Variants in ZNF479 observed in about 807,000 individuals in gnomAD.
ZNF479 encodes the protein zinc finger protein 479.
A neutral mutation model predicts 14.7 loss-of-function variants in ZNF479; 15 were observed. The observed-to-expected ratio is 1.02, with a 90% confidence interval of 0.68 to 1.57. The LOEUF (loss-of-function observed/expected upper bound fraction) is 1.57, where lower values mean the gene tolerates loss of function less well. Among genes scored for constraint, ZNF479 ranks in the 40% most tolerant of loss-of-function variants. The pLI, the probability that ZNF479 is intolerant of heterozygous loss-of-function variation, is 0.00. For synonymous variants in ZNF479, 145 were observed against 211.5 expected, an observed-to-expected ratio of 0.69 and a Z score of 2.73; for missense variants, 506 against 615.1, an observed-to-expected ratio of 0.82 and a Z score of 1.88.
Position 57,120,477 on chromosome 7 carries a change from G to C in ZNF479, c.938C>G (p.Thr313Ser). ...GKAFSVSSTLTDHKRIHTGEK... is the reference protein window; with the variant it reads ...GKAFSVSSTLSDHKRIHTGEK... ...TCCAGTATGAATTCTCTTGTGGTCA[G>C]TGAGGGTTGAGGATACGCTAAAGGC... is the stretch of plus-strand genomic sequence containing the variant. Residue 313 changes from threonine to serine, a missense_variant, in exon 4 of 4, where the codon ACT becomes AGT. Physicochemically the swap from Thr to Ser is moderately conservative, Grantham distance 58. Coordinates refer to ENST00000319636, the MANE Select transcript of ZNF479 (RefSeq NM_001370129.2). 1 of 1,611,008 alleles carries C rather than the reference G, an allele frequency of 6.2e-7. No individual in the cohort carries two copies. The highest frequency in any genetic ancestry group is 8.5e-7 in the Non-Finnish European group (1 of 1,179,202).
upstream of ZNF479, among the ~76,000 whole-genome samples, chr7:57,137,214 A>G (rs750636641): frequency 6.6e-6 from 1 of 152,168 alleles, no homozygotes; most frequent in Non-Finnish European, 1.5e-5. Context: ...TTTGCTCACT[A>G]CAACTCTGCC....
At position 57,119,480 on chromosome 7, in the gene ZNF479, G is replaced by A. The variant is rs35107195; in HGVS notation, c.*360C>T. 503 of 214,168 alleles carry A rather than the reference G, an allele frequency of 2.3e-3. 3 individuals are homozygous for A. Among genetic ancestry groups the A allele is most frequent in the Non-Finnish European group, 4.0e-3 (430 of 106,310 alleles). The allele number at this position is 214,168 out of a possible 1,614,324, so 13.3% of individuals were successfully genotyped here. On this transcript the variant is annotated 3_prime_UTR_variant, in exon 4 of 4. Coordinates refer to ENST00000319636, the MANE Select transcript of ZNF479 (RefSeq NM_001370129.2). ...CAAATCAGCCAGTGTGGTGGCACAC[G>A]CCTGTAATCCCAGCTACTCAGGAGG... is the stretch of plus-strand genomic sequence containing the variant.
At chr7:57,132,574 A>G (rs1786484575), upstream of ZNF479, among the ~76,000 whole-genome samples, 2 of 152,150 alleles carry the variant, frequency 1.3e-5, no homozygotes, top group East Asian at 1.9e-4. Context: ...TTGATCAGAC[A>G]CTGGGCTGAG....
chr7:57,125,733 G>C (rs1206733398), intron 3 of ZNF479, among the ~76,000 whole-genome samples: 1 of 152,110 alleles, frequency 6.6e-6, no homozygotes, highest in Non-Finnish European at 1.5e-5. Flanking sequence ...AAAAGCAATG[G>C]CAAAGCAGTC....
intron 1 of ZNF479, among the ~76,000 whole-genome samples, chr7:57,131,553 A>T: frequency 7.1e-6 from 1 of 140,154 alleles, no homozygotes; most frequent in East Asian, 2.5e-4. Flanking sequence ...ACAGAGCGAG[A>T]CTCCCTCTCA....
chr7:57,123,570 A>T (rs1156488208), intron 3 of ZNF479, among the ~76,000 whole-genome samples: 1 of 152,162 alleles, frequency 6.6e-6, no homozygotes, highest in Non-Finnish European at 1.5e-5. Context: ...GCAGTGGCTC[A>T]CAGGTGTAAT....
At chr7:57,137,308 G>T (rs1009387875), upstream of ZNF479, among the ~76,000 whole-genome samples, 1 of 151,934 alleles carries the variant, frequency 6.6e-6, no homozygotes, top group African/African-American at 2.4e-5. Flanking sequence ...GCTGCTATTT[G>T]TATTTTTTGT....
intron 3 of ZNF479, among the ~76,000 whole-genome samples, chr7:57,122,110 T>G (rs1192838034): frequency 6.6e-6 from 1 of 152,002 alleles, no homozygotes; most frequent in Non-Finnish European, 1.5e-5. Flanking sequence ...AAGCAAAGTT[T>G]CAAAAGTCAC....
upstream of ZNF479, among the ~76,000 whole-genome samples, chr7:57,136,601 A>G (rs1786664446): frequency 6.6e-6 from 1 of 152,212 alleles, no homozygotes; most frequent in South Asian, 2.1e-4. Flanking sequence ...TTGAGCAGTT[A>G]AAAACCTTTG....
upstream of ZNF479, among the ~76,000 whole-genome samples, chr7:57,135,197 G>A (rs535660799): frequency 3.5e-4 from 53 of 152,254 alleles, no homozygotes; most frequent in East Asian, 9.5e-3. Flanking sequence ...ATTTAGTGGC[G>A]TTAGAGTGTC....
At chr7:57,133,407 TAA>T (rs60551032), upstream of ZNF479, among the ~76,000 whole-genome samples, 20 of 150,404 alleles carry the variant, frequency 1.3e-4, no homozygotes, top group Admixed American at 2.6e-4. Flanking sequence ...TCAATTTACT[TAA>T]AAAAAAAAAT....
upstream of ZNF479, among the ~76,000 whole-genome samples, chr7:57,135,501 C>T (rs1434299460): frequency 2.0e-5 from 3 of 152,158 alleles, no homozygotes; most frequent in African/African-American, 4.8e-5. Flanking sequence ...CAACCTCCAC[C>T]TCCCAGGTTC....
rs1554400226 is a variant in ZNF479, at chr7:57,120,613, G to A, written c.802C>T (p.Pro268Ser). 1 of 1,613,980 alleles carries A rather than the reference G, an allele frequency of 6.2e-7. No homozygotes were observed. The highest frequency in any genetic ancestry group is 8.5e-7 in the Non-Finnish European group (1 of 1,179,928). ...TGGCCACATTCTTCACACGTGTAGG[G>A]TTTCTCTCCAGTATGAGTTCTCTTA... is the stretch of plus-strand genomic sequence containing the variant. ...RHKRTHTGEKPYTCEECGQAF... is the reference protein window; with the variant it reads ...RHKRTHTGEKSYTCEECGQAF... Residue 268 changes from proline to serine, a missense_variant, in exon 4 of 4, where the codon CCC becomes TCC. Pro to Ser is a moderately conservative substitution (Grantham distance 74). This residue lies in a region of ZNF479 where 420 missense variants were observed against 474.2 expected (regional missense o/e 0.89). Coordinates refer to ENST00000319636, the MANE Select transcript of ZNF479 (RefSeq NM_001370129.2).
intron 1 of ZNF479, among the ~76,000 whole-genome samples, chr7:57,127,946 T>G (rs1486457624): frequency 6.7e-6 from 1 of 148,930 alleles, no homozygotes; most frequent in Admixed American, 6.7e-5. Flanking sequence ...TATTTTTTTT[T>G]TTTTTTTGAG....
chr7:57,134,943 G>A (rs912207284), upstream of ZNF479, among the ~76,000 whole-genome samples: 9 of 152,054 alleles, frequency 5.9e-5, no homozygotes, highest in Non-Finnish European at 8.8e-5. Flanking sequence ...CCAAATTGCC[G>A]GGGTTACAGG....
rs149289301 is a variant in ZNF479, at chr7:57,130,427, C to CG, written c.39+1858dup. Among the ~76,000 whole-genome samples, 1,355 of 151,480 alleles carry CG rather than the reference C, an allele frequency of 8.9e-3. 29 individuals carry two copies. Among genetic ancestry groups the CG allele is most frequent in the African/African-American group, 0.031 (1,299 of 41,280 alleles). Reference sequence around the variant, plus strand: ...GGCAGAGGTTGCAGTGAGCTGAGACCGCACCACTGCACTCCAGCCTGGGTG... The same window carrying CG: ...GGCAGAGGTTGCAGTGAGCTGAGACCGGCACCACTGCACTCCAGCCTGGGTG... On this transcript the variant is annotated intron_variant, in intron 1 of 3. Coordinates refer to ENST00000319636, the MANE Select transcript of ZNF479 (RefSeq NM_001370129.2).
rs1424932234 is a variant in ZNF479 at position 57,120,555 on chromosome 7, T to C, written c.860A>G (p.His287Arg). ...TCTCTCTCCAGTATGAATTCTCTTG[T>C]GGTTAGTAAGTGCTGAGGAGCGCCT... is the stretch of plus-strand genomic sequence containing the variant. ...AFRRSSALTN[H>R]KRIHTGERPY... The change falls in exon 4 of 4, where the codon CAC becomes CGC. Residue 287 changes from histidine to arginine, a missense_variant. His to Arg is a conservative substitution (Grantham distance 29, BLOSUM62 0). Coordinates refer to ENST00000319636, the MANE Select transcript of ZNF479 (RefSeq NM_001370129.2). 5.0e-6 allele frequency: 8 copies of C among 1,613,810 alleles called. No individual in the cohort carries two copies. The highest frequency in any genetic ancestry group is 3.3e-4 in the Middle Eastern group (2 of 6,078).
rs782074392 is a variant in ZNF479 at position 57,119,807 on chromosome 7, G to T, written c.*33C>A. On this transcript the variant is annotated 3_prime_UTR_variant, in exon 4 of 4. Coordinates refer to ENST00000319636, the MANE Select transcript of ZNF479 (RefSeq NM_001370129.2). The stretch of plus-strand genomic sequence containing the variant: ...TTTTTTCCAGTGTAAATTATTTTAT[G>T]TATTATAAGGCCTGAGGGTGGACTT... 4.5e-6 allele frequency: 7 copies of T among 1,546,912 alleles called. No homozygotes were observed. The South Asian group carries it at 8.1e-5, about 18-fold the overall frequency.
At chr7:57,129,670 G>A (rs999701038) in intron 1 of ZNF479, among the ~76,000 whole-genome samples, 2 of 152,096 alleles carry the variant, frequency 1.3e-5, no homozygotes, top group Non-Finnish European at 2.9e-5. Context: ...AGAACACTGC[G>A]CTGGGAATAA....
Sources: allele counts gnomAD v4.1 joint callset (sites outside exome capture counted in the v4.1 genomes callset), GRCh38; gene constraint gnomAD v4.1.1; regional missense constraint gnomAD v4.1.1; transcripts MANE v1.5; gene names NCBI Gene and HGNC (gene_info 2026-07-23, HGNC 2026-07-21).